The following TICRR variants were observed in gnomAD, a reference collection of about 807,000 sequenced individuals.
TICRR encodes the protein treslin.
A neutral mutation model predicts 178.1 loss-of-function variants in TICRR; 132 were observed. The ratio of observed to expected loss-of-function variants is 0.74; its 90% CI spans 0.64 to 0.86. TICRR has a LOEUF of 0.86. TICRR is among the 40% of genes least tolerant of loss of function. The pLI is 0.00. For synonymous variants in TICRR, 991 were observed against 900.7 expected (o/e 1.10, Z -1.79); for missense variants, 2,587 against 2,334.3 (o/e 1.11, Z -2.23).
rs1227443006 is a variant in TICRR at position 89,624,889 on chromosome 15, T to C, written c.4579T>C (p.Cys1527Arg). 1 of 1,614,028 alleles carries C rather than the reference T, an allele frequency of 6.2e-7. No individual in the cohort carries two copies. The highest frequency in any genetic ancestry group is 1.3e-5 in the African/African-American group (1 of 74,928). ...TCTGATGCCTTCCCGTGACGTGCAC[T>C]GTACCACAGATGGGAGACAGTGCCA... is the stretch of plus-strand genomic sequence containing the variant. ...SPLMPSRDVH[C>R]TTDGRQCQAS... Residue 1527 changes from cysteine (C) to arginine (R), a missense_variant, in exon 20 of 22, where the codon TGT becomes CGT. Physicochemically the swap from Cys to Arg is radical, Grantham distance 180 (BLOSUM62 -3). Coordinates refer to ENST00000268138, the MANE Select transcript of TICRR (RefSeq NM_152259.4).
Position 89,601,790 on chromosome 15 carries a change from T to A in TICRR, c.2381T>A (p.Phe794Tyr). ...GGAAATCTTTACAACAGCCTAGGGT[T>A]TGTGATTCCTCAGAAGCTGGCTGGT... ...TLGNLYNSLG[F>Y]VIPQKLAGVL... is the part of the protein sequence containing the mutation. Residue 794 changes from phenylalanine to tyrosine, a missense_variant, in exon 12 of 22, where the codon TTT becomes TAT. Transcript: ENST00000268138. The A allele has an allele frequency of 1.9e-6, 3 of 1,614,158 alleles. No homozygotes were observed. The highest frequency in any genetic ancestry group is 2.5e-6 in the Non-Finnish European group (3 of 1,180,000).
chr15:89,583,202 A>C (rs1962761646), intron 2 of TICRR, among the ~76,000 whole-genome samples: 1 of 152,254 alleles, frequency 6.6e-6, no homozygotes, highest in Non-Finnish European at 1.5e-5. Context: ...GATTGATTTT[A>C]AAGTTTACCA....
Position 89,625,758 on chromosome 15 carries a change from C to T in TICRR, c.5448C>T (p.Ser1816=), listed in dbSNP as rs1394718034. ...GTTGGAGTGCATGGCAGCTACCCTCCACGGGAGACGAAGAGGTGTTTGTTT... is the reference window on the plus strand; with the variant it reads ...GTTGGAGTGCATGGCAGCTACCCTCTACGGGAGACGAAGAGGTGTTTGTTT... ...SPSWSAWQLP[S]TGDEEVFVSG... is the part of the protein sequence containing the mutation. The change falls in exon 20 of 22, where the codon TCC becomes TCT. Residue 1816 remains serine, a synonymous_variant. Coordinates refer to ENST00000268138, the MANE Select transcript of TICRR (RefSeq NM_152259.4). The T allele has an allele frequency of 3.1e-6, 5 of 1,608,006 alleles. No individual in the cohort carries two copies. The African/African-American group carries it at 5.4e-5, about 17-fold the overall frequency.
chr15:89,608,166 G>GGCCT (rs1419849993), intron 14 of TICRR, among the ~76,000 whole-genome samples: 17 of 152,038 alleles, frequency 1.1e-4, no homozygotes, highest in African/African-American at 3.9e-4. Context: ...AAGTGGTGGG[G>GGCCT]GCCTTCCTTG....
chr15:89,625,852 C>T, intron 20 of TICRR, 66 bp downstream of exon 20: 1 of 1,547,098 alleles, frequency 6.5e-7, no homozygotes. Context: ...GACAAGGAGG[C>T]ACTTGGGAGT....
chr15:89,588,281 C>T (rs759707964), intron 4 of TICRR, among the ~76,000 whole-genome samples: 35 of 152,168 alleles, frequency 2.3e-4, no homozygotes, highest in African/African-American at 7.7e-4. Context: ...CCGGGATAGT[C>T]GTGAAGGTAA....
At chr15:89,626,213 A>G in intron 21 of TICRR, 152 bp downstream of exon 21, 1 of 782,544 alleles carries the variant, frequency 1.3e-6, no homozygotes, top group Non-Finnish European at 2.0e-6. Context: ...TGCCCTTCCC[A>G]GAGAAACTCC....
At position 89,624,732 on chromosome 15, in the gene TICRR, C is replaced by A. The variant is rs1299811910; in HGVS notation, c.4422C>A (p.Gly1474=). The part of the protein sequence containing the change: ...VTLLSEAEHH[G]IGDLKSNVLS... ...TCCTCAGTGAAGCCGAACACCATGG[C>A]ATTGGTGACTTGAAAAGTAACGTCT... Residue 1474 remains glycine (G), a synonymous_variant, in exon 20 of 22, where the codon GGC becomes GGA. Coordinates refer to ENST00000268138, the MANE Select transcript of TICRR (RefSeq NM_152259.4). 6 of 1,614,190 alleles carry A rather than the reference C, an allele frequency of 3.7e-6. No individual in the cohort carries two copies. Among genetic ancestry groups the A allele is most frequent in the Non-Finnish European group, 5.1e-6 (6 of 1,180,048 alleles).
intron 1 of TICRR, among the ~76,000 whole-genome samples, chr15:89,582,048 G>C (rs1343178356): frequency 1.3e-5 from 2 of 152,104 alleles, no homozygotes; most frequent in East Asian, 3.8e-4. Context: ...AATAGGCCAG[G>C]CACAGTGGCT....
chr15:89,622,702 C>T (rs1382389235), intron 19 of TICRR, among the ~76,000 whole-genome samples: 2 of 152,190 alleles, frequency 1.3e-5, no homozygotes, highest in Non-Finnish European at 2.9e-5. Flanking sequence ...CACCCCTCCC[C>T]GCTCCACCTC....
At chr15:89,618,288 G>A (rs970343269) in intron 17 of TICRR, 78 bp downstream of exon 17, 12 of 1,310,964 alleles carry the variant, frequency 9.2e-6, no homozygotes, top group East Asian at 6.9e-5. Flanking sequence ...TTGTTACTTG[G>A]CATATCCTAA....
chr15:89,603,365 C>G (rs922681920), intron 13 of TICRR, among the ~76,000 whole-genome samples: 1 of 152,134 alleles, frequency 6.6e-6, no homozygotes, highest in African/African-American at 2.4e-5. Context: ...TAGTTTGACA[C>G]CAACAGTCTG....
chr15:89,617,553 C>T (rs911297164), intron 16 of TICRR, among the ~76,000 whole-genome samples: 5 of 152,302 alleles, frequency 3.3e-5, no homozygotes, highest in African/African-American at 9.6e-5. Flanking sequence ...GTAGGAATCT[C>T]ACTCTGTCAC....
chr15:89,622,395 C>T (rs932185534), intron 19 of TICRR, among the ~76,000 whole-genome samples: 4 of 152,182 alleles, frequency 2.6e-5, no homozygotes, highest in Non-Finnish European at 4.4e-5. Context: ...AAGGGAAATC[C>T]TCCACCCAGA....
intron 5 of TICRR, among the ~76,000 whole-genome samples, chr15:89,592,598 T>G (rs1381304696): frequency 1.3e-5 from 2 of 151,972 alleles, no homozygotes; most frequent in Non-Finnish European, 2.9e-5. Context: ...ACATGAGAAG[T>G]AAATAAGAAA....
chr15:89,584,567 A>C (rs1306472442), intron 3 of TICRR, 40 bp downstream of exon 3: 7 of 1,504,018 alleles, frequency 4.7e-6, no homozygotes, highest in Non-Finnish European at 6.2e-6. Context: ...TTGTCTAACA[A>C]CACACTGGTA....
In TICRR at chr15:89,625,786, G is replaced by C. The variant is rs747284999; in HGVS notation, c.5476G>C (p.Gly1826Arg). ...GGGAGACGAAGAGGTGTTTGTTTCC[G>C]GTGAGTTCGTTTTTGAAACCCAGTT... ...STGDEEVFVS[G>R]STPPPSCAVR... The change falls in exon 20 of 22, where the codon GGC becomes CGC. Residue 1826 changes from glycine (G) to arginine (R), a missense_variant and splice_region_variant. Gly to Arg is a moderately radical substitution (Grantham distance 125). Coordinates refer to ENST00000268138, the MANE Select transcript of TICRR (RefSeq NM_152259.4). 2 of 1,593,664 alleles carry C rather than the reference G, an allele frequency of 1.3e-6. No individual in the cohort carries two copies. The highest frequency in any genetic ancestry group is 1.7e-4 in the Middle Eastern group (1 of 5,934).
chr15:89,575,490 A>G lies in TICRR; in HGVS notation c.-97A>G, dbSNP rs988295831. 8.1e-6 allele frequency: 10 copies of G among 1,239,228 alleles called. No individual in the cohort carries two copies. The East Asian group carries it at 1.4e-4, about 18-fold the overall frequency. The allele number at this position is 1,239,228 out of a possible 1,614,324, so 76.8% of individuals were successfully genotyped here. A position where few individuals can be genotyped will look rare whatever the true frequency, so the allele number is the denominator to read the frequency against. On this transcript the variant is annotated 5_prime_UTR_variant, in exon 1 of 22. Transcript: ENST00000268138. The stretch of plus-strand genomic sequence containing the variant: ...CGGGAGCCTTTCGACCAGGGTCCCA[A>G]AGGAAAGCAGTGAGTGGTGCTGTTT...
chr15:89,625,745 G>A lies in TICRR; in HGVS notation c.5435G>A (p.Trp1812Ter). ...GAGGGGTCTCCAAGTTGGAGTGCAT[G>A]GCAGCTACCCTCCACGGGAGACGAA... is the stretch of plus-strand genomic sequence containing the variant. ...SKEGSPSWSAWQLPSTGDEEV... is the reference protein window; with the variant it reads ...SKEGSPSWSA The change falls in exon 20 of 22, where the codon TGG becomes TAG. Residue 1812 changes from tryptophan to a stop codon, truncating the protein, a stop_gained. Coordinates refer to ENST00000268138, the MANE Select transcript of TICRR (RefSeq NM_152259.4). LOFTEE classifies it high-confidence loss of function. 1 of 1,612,772 alleles carries A rather than the reference G, an allele frequency of 6.2e-7. No homozygotes were observed. The highest frequency in any genetic ancestry group is 8.5e-7 in the Non-Finnish European group (1 of 1,179,662).
Sources: gnomAD v4.1 joint callset for allele counts (sites outside exome capture counted in the v4.1 genomes callset) on GRCh38, gnomAD v4.1.1 for gene constraint, MANE v1.5 for transcripts, NCBI Gene and HGNC (gene_info 2026-07-23, HGNC 2026-07-21) for gene names.